The following CFAP95 variants were observed in gnomAD, a reference collection of about 807,000 sequenced individuals.
CFAP95 encodes the protein cilia and flagella associated protein 95, also known as cilia- and flagella-associated protein 95.
At chr9:69,862,749 G>A in the CFAP95 span, among the ~76,000 whole-genome samples, 2 of 152,176 alleles carry the variant, frequency 1.3e-5, no homozygotes, top group African/African-American at 2.4e-5. Context: ...TTAATTTTTA[G>A]ATAATGTCCG....
chr9:69,876,008 T>A, the CFAP95 span, among the ~76,000 whole-genome samples: 3 of 152,198 alleles, frequency 2.0e-5, no homozygotes, highest in African/African-American at 7.2e-5. Context: ...AAATCACCAA[T>A]TCGCAATAAC....
chr9:69,881,322 A>G, the CFAP95 span, among the ~76,000 whole-genome samples: 1 of 152,190 alleles, frequency 6.6e-6, no homozygotes, highest in African/African-American at 2.4e-5. Context: ...TCTTTAATCC[A>G]TTTTGATTTG....
the CFAP95 span, among the ~76,000 whole-genome samples, chr9:69,854,118 C>T: frequency 5.9e-3 from 896 of 152,252 alleles, 7 homozygotes; most frequent in African/African-American, 0.02. Context: ...TAACATTTGC[C>T]GCTGGTATAG....
At chr9:69,879,858 A>G in the CFAP95 span, among the ~76,000 whole-genome samples, 1 of 113,872 alleles carries the variant, frequency 8.8e-6, no homozygotes, top group South Asian at 3.7e-4. Context: ...TGAATCCCCA[A>G]CCCATAGGTA....
the CFAP95 span, among the ~76,000 whole-genome samples, chr9:69,901,429 G>C: frequency 6.6e-6 from 1 of 152,134 alleles, no homozygotes; most frequent in Admixed American, 6.5e-5. Context: ...GAGCCACCGC[G>C]CCCGGCCGGT....
At chr9:69,825,688 A>ATTAT in the CFAP95 span, among the ~76,000 whole-genome samples, 11 of 152,324 alleles carry the variant, frequency 7.2e-5, no homozygotes, top group African/African-American at 2.6e-4. Flanking sequence ...ATATCTTCCC[A>ATTAT]CTCATTGGAA....
chr9:69,825,356 T>C, the CFAP95 span, among the ~76,000 whole-genome samples: 9 of 152,350 alleles, frequency 5.9e-5, no homozygotes, highest in African/African-American at 2.2e-4. Context: ...TTATCTGGCA[T>C]GTGATACAGA....
At chr9:69,904,619 C>T in the CFAP95 span, among the ~76,000 whole-genome samples, 8 of 152,220 alleles carry the variant, frequency 5.3e-5, no homozygotes, top group African/African-American at 1.7e-4. Flanking sequence ...AGCCCATAGA[C>T]GCTGTATTTG....
At chr9:69,851,501 G>T in the CFAP95 span, among the ~76,000 whole-genome samples, 2 of 152,046 alleles carry the variant, frequency 1.3e-5, no homozygotes, top group Non-Finnish European at 2.9e-5. Flanking sequence ...GAGTGTGAAG[G>T]GTAGGCCGAG....
At chr9:69,905,567 T>C in the CFAP95 span, among the ~76,000 whole-genome samples, 1 of 152,214 alleles carries the variant, frequency 6.6e-6, no homozygotes, top group Non-Finnish European at 1.5e-5. Context: ...TAACCCAAGA[T>C]ATTATTCTTT....
the CFAP95 span, among the ~76,000 whole-genome samples, chr9:69,847,175 G>T: frequency 2.6e-5 from 4 of 152,138 alleles, no homozygotes; most frequent in East Asian, 5.8e-4. Context: ...GAAATAACTT[G>T]CTGTGGGAGG....
At chr9:69,897,013 G>A in the CFAP95 span, among the ~76,000 whole-genome samples, 4 of 152,180 alleles carry the variant, frequency 2.6e-5, no homozygotes, top group African/African-American at 9.7e-5. Context: ...AGGTAGGTTT[G>A]ACTGTGGGGT....
chr9:69,824,033 A>T, the CFAP95 span, among the ~76,000 whole-genome samples: 1 of 152,196 alleles, frequency 6.6e-6, no homozygotes, highest in African/African-American at 2.4e-5. Flanking sequence ...GAGGCCTGAC[A>T]GTTAGTTATA....
the CFAP95 span, among the ~76,000 whole-genome samples, chr9:69,905,228 A>G: frequency 2.0e-5 from 3 of 152,178 alleles, no homozygotes; most frequent in African/African-American, 7.2e-5. Context: ...TCATTGTTTT[A>G]TAGCTTTGGT....
the CFAP95 span, among the ~76,000 whole-genome samples, chr9:69,879,910 A>T: frequency 6.6e-6 from 1 of 151,954 alleles, no homozygotes; most frequent in Non-Finnish European, 1.5e-5. Context: ...GTCTTAGTTG[A>T]TAAAGGGGCA....
At chr9:69,855,634 G>A in the CFAP95 span, among the ~76,000 whole-genome samples, 2 of 152,140 alleles carry the variant, frequency 1.3e-5, no homozygotes, top group Admixed American at 6.5e-5. Context: ...AGAAGCCAAG[G>A]ATCTAGAGAG....
the CFAP95 span, among the ~76,000 whole-genome samples, chr9:69,850,700 T>C: frequency 2.6e-5 from 4 of 152,192 alleles, no homozygotes; most frequent in Non-Finnish European, 5.9e-5. Context: ...AAATGGAATA[T>C]TTTAAATGCC....
chr9:69,826,472 A>G, the CFAP95 span, among the ~76,000 whole-genome samples: 1 of 152,194 alleles, frequency 6.6e-6, no homozygotes, highest in East Asian at 1.9e-4. Context: ...TCCAACACAC[A>G]TTCGAGAACT....
chr9:69,855,131 G>T, the CFAP95 span, among the ~76,000 whole-genome samples: 1 of 152,170 alleles, frequency 6.6e-6, no homozygotes, highest in Non-Finnish European at 1.5e-5. Flanking sequence ...CTTTGAGAAG[G>T]TGTTGAAATA....
Sources: allele counts gnomAD v4.1 joint callset (sites outside exome capture counted in the v4.1 genomes callset), GRCh38; gene constraint gnomAD v4.1.1; transcripts MANE v1.5; gene names NCBI Gene and HGNC (gene_info 2026-07-23, HGNC 2026-07-21).